CCND3: variants seen among roughly 807,000 people sequenced by gnomAD.
CCND3 encodes cyclin D3, also known as G1/S-specific cyclin-D3.
Under a neutral mutation model 28.7 loss-of-function variants are expected in CCND3, and 9 were observed. That is an observed-to-expected ratio of 0.31 (90% CI 0.19 to 0.55). The LOEUF is 0.55. Among genes scored for constraint, CCND3 ranks in the 20% least tolerant of loss-of-function variants. The pLI, the probability that CCND3 is intolerant of heterozygous loss-of-function variation, is 0.93. For synonymous variants in CCND3, 164 were observed against 163.9 expected (o/e 1.00, Z 0.00); for missense variants, 315 against 385.8 (o/e 0.82, Z 1.54).
chr6:41,964,283 T>A (rs1761794824), intron 1 of CCND3, among the ~76,000 whole-genome samples: 1 of 134,036 alleles, frequency 7.5e-6, no homozygotes, highest in Non-Finnish European at 1.8e-5. Flanking sequence ...CGTGTGTATG[T>A]GTGTGTGTGT....
chr6:41,947,399 A>G (rs111695237), intron 1 of CCND3, among the ~76,000 whole-genome samples: 2 of 151,954 alleles, frequency 1.3e-5, no homozygotes, highest in African/African-American at 4.8e-5. Context: ...GGCCAGTTAA[A>G]CTCAATTTCT....
In CCND3 at chr6:41,971,351, G is replaced by A. The variant is rs114359401; in HGVS notation, c.-45-30766C>T. The stretch of plus-strand genomic sequence containing the variant: ...TTGCCTAGACTGGACTTGAACTCCT[G>A]GGCTCAAGTGATCCTCCCATCCTCC... On this transcript the variant is annotated intron_variant, in intron 1 of 4. Coordinates refer to the CCND3 transcript ENST00000372988. Among the ~76,000 whole-genome samples, 272 of 152,152 alleles carry A rather than the reference G, an allele frequency of 1.8e-3. 2 individuals carry two copies. Among genetic ancestry groups the A allele is most frequent in the African/African-American group, 6.2e-3 (257 of 41,516 alleles).
At chr6:42,034,638 C>T (rs993832845) in intron 1 of CCND3, among the ~76,000 whole-genome samples, 4 of 151,712 alleles carry the variant, frequency 2.6e-5, no homozygotes, top group East Asian at 1.9e-4. Flanking sequence ...CCACCATGCC[C>T]GGTTATCTGT....
At chr6:41,976,540 A>C (rs1319886214) in intron 1 of CCND3, among the ~76,000 whole-genome samples, 3 of 151,972 alleles carry the variant, frequency 2.0e-5, no homozygotes, top group South Asian at 4.2e-4. Flanking sequence ...GTAGTCTCAG[A>C]AACTTGGGGA....
intron 1 of CCND3, among the ~76,000 whole-genome samples, chr6:41,987,507 CTCTCTCTCTCTGTGTGTG>C (rs748272846): frequency 0.06 from 3,796 of 62,898 alleles, 84 homozygotes; most frequent in East Asian, 0.21. Flanking sequence ...CTCTCTCTCT[CTCTCTCTCTCTGTGTGTG>C]TGTGTGTGTG....
chr6:42,005,498 G>GCCA (rs1201776715), intron 1 of CCND3, among the ~76,000 whole-genome samples: 1 of 136,026 alleles, frequency 7.4e-6, no homozygotes, highest in African/African-American at 2.8e-5. Context: ...CTGAGATCGT[G>GCCA]CCACTGCCCT....
intron 1 of CCND3, among the ~76,000 whole-genome samples, chr6:42,003,901 T>A (rs1416809306): frequency 7.1e-6 from 1 of 140,030 alleles, no homozygotes; most frequent in African/African-American, 2.7e-5. Flanking sequence ...ATCATGCCAC[T>A]GCATTCCAGC....
upstream of CCND3, chr6:41,941,842 G>T (rs549644225): frequency 3.7e-6 from 1 of 273,862 alleles, no homozygotes; most frequent in East Asian, 6.5e-5. The surrounding 1 kb of genome is among the most constrained non-coding windows in gnomAD (Gnocchi z 6.1). Flanking sequence ...TGTAGCAACC[G>T]TGGAATGCTC....
intron 1 of CCND3, among the ~76,000 whole-genome samples, chr6:42,032,644 A>C (rs1361137742): frequency 6.6e-6 from 1 of 152,210 alleles, no homozygotes; most frequent in Non-Finnish European, 1.5e-5. Flanking sequence ...CCTTTGGTAG[A>C]CTTTATTCTT....
chr6:41,972,227 CA>C (rs56250051), intron 1 of CCND3, among the ~76,000 whole-genome samples: 10,377 of 112,866 alleles, frequency 0.092, 397 homozygotes, highest in Non-Finnish European at 0.1. Context: ...GACTCCATCT[CA>C]AAAAAAAAAA....
intron 1 of CCND3, among the ~76,000 whole-genome samples, chr6:42,031,980 G>A (rs1225213006): frequency 1.3e-5 from 2 of 151,870 alleles, no homozygotes; most frequent in Non-Finnish European, 2.9e-5. Context: ...TAATAGAGAC[G>A]GGGTTTCACC....
chr6:41,971,560 T>G (rs900160712), intron 1 of CCND3, among the ~76,000 whole-genome samples: 1 of 151,848 alleles, frequency 6.6e-6, no homozygotes, highest in Admixed American at 6.6e-5. Context: ...CTTTTTTTTT[T>G]GAGATAGAGT....
At position 42,028,370 on chromosome 6, in the gene CCND3, G is replaced by T. The variant is rs72855215; in HGVS notation, c.-46+20131C>A. On this transcript the variant is annotated intron_variant, in intron 1 of 4. Transcript: ENST00000372988. ...GGGTTCGGCGATGGCCATGCTGGGC[G>T]AGGTGTGGAGAGCACAGCTGTGCTA... Among the ~76,000 whole-genome samples, 8 of 152,198 alleles carry T rather than the reference G, an allele frequency of 5.3e-5. No individual in the cohort carries two copies. In the South Asian group the frequency reaches 1.7e-3, roughly 31 times the overall value.
chr6:42,000,567 T>TTTTC (rs1339486941), intron 1 of CCND3, among the ~76,000 whole-genome samples: 2 of 127,894 alleles, frequency 1.6e-5, no homozygotes, highest in Non-Finnish European at 3.4e-5. Flanking sequence ...AACGAATCTT[T>TTTTC]TTTTTTTTTT....
intron 1 of CCND3, among the ~76,000 whole-genome samples, chr6:41,997,166 T>C (rs1170080514): frequency 6.6e-6 from 1 of 152,198 alleles, no homozygotes; most frequent in Non-Finnish European, 1.5e-5. Context: ...ACTTCCTAGC[T>C]TGAATGCTGT....
chr6:42,036,398 T>TAC (rs1391288043), intron 1 of CCND3, among the ~76,000 whole-genome samples: 1 of 49,044 alleles, frequency 2.0e-5, no homozygotes, highest in East Asian at 7.1e-4. Flanking sequence ...TATATATATA[T>TAC]ATATATTTTT....
intron 1 of CCND3, among the ~76,000 whole-genome samples, chr6:42,001,158 C>T (rs1267249886): frequency 7.5e-6 from 1 of 132,628 alleles, no homozygotes; most frequent in African/African-American, 2.8e-5. Flanking sequence ...TTGCTTGAAC[C>T]TAGGAGGTGG....
rs777174764 is a variant in CCND3 at position 41,936,747 on chromosome 6, G to T, written c.575-52C>A. 6.3e-7 allele frequency: 1 copy of T among 1,585,100 alleles called. No individual in the cohort carries two copies. The highest frequency in any genetic ancestry group is 1.7e-5 in the Admixed American group (1 of 58,298). On this transcript the variant is annotated intron_variant, in intron 3 of 4. Transcript: ENST00000372991. The surrounding 1 kb of genome is among the most constrained non-coding windows in gnomAD (Gnocchi z 4.4). Reference sequence around the variant, plus strand: ...AGAGAAGGAAACCTGAAGGATAACGGCCAGCATGGACTTCCGACTCCTTGG... The same window carrying T: ...AGAGAAGGAAACCTGAAGGATAACGTCCAGCATGGACTTCCGACTCCTTGG...
chr6:42,017,285 G>C (rs901814712), intron 1 of CCND3, among the ~76,000 whole-genome samples: 1 of 152,204 alleles, frequency 6.6e-6, no homozygotes, highest in African/African-American at 2.4e-5. Context: ...TGGCACTTGG[G>C]GCCTGGGAGG....
Sources: allele counts gnomAD v4.1 joint callset (sites outside exome capture counted in the v4.1 genomes callset), GRCh38; gene constraint gnomAD v4.1.1; non-coding constraint Gnocchi (gnomAD v3.1); transcripts MANE v1.5; gene names NCBI Gene and HGNC (gene_info 2026-07-23, HGNC 2026-07-21).